ACBD6: variants seen among roughly 807,000 people sequenced by gnomAD.
ACBD6 encodes the protein acyl-CoA-binding domain-containing protein 6.
ACBD6 carries 28 observed loss-of-function variants against 37.2 expected under a neutral mutation model. The observed-to-expected ratio is 0.75, with a 90% CI of 0.56 to 1.03. The LOEUF (loss-of-function observed/expected upper bound fraction) is 1.03. ACBD6 is among the 50% of genes least tolerant of loss of function. The pLI is 0.00. For synonymous variants in ACBD6, 113 were observed against 126.8 expected (o/e 0.89, Z 0.73); for missense variants, 340 against 337.4 (o/e 1.01, Z -0.06).
At chr1:180,501,504 G>GA in intron 1 of ACBD6, among the ~76,000 whole-genome samples, 1 of 152,228 alleles carries the variant, frequency 6.6e-6, no homozygotes, top group Middle Eastern at 3.4e-3. Context: ...ACTTAGTAGA[G>GA]ACGGGGTTTC....
chr1:180,404,352 G>T (rs1647515268), intron 5 of ACBD6, among the ~76,000 whole-genome samples: 1 of 152,026 alleles, frequency 6.6e-6, no homozygotes, highest in African/African-American at 2.4e-5. Context: ...CACGAGACGG[G>T]ATCTCACTAT....
At chr1:180,367,125 C>A (rs1300409020) in intron 6 of ACBD6, among the ~76,000 whole-genome samples, 1 of 152,182 alleles carries the variant, frequency 6.6e-6, no homozygotes, top group African/African-American at 2.4e-5. Context: ...TTAAAATGTT[C>A]GATCTGTAAA....
intron 7 of ACBD6, among the ~76,000 whole-genome samples, chr1:180,297,340 C>T (rs1362949040): frequency 2.0e-5 from 3 of 152,142 alleles, no homozygotes; most frequent in African/African-American, 7.2e-5. Flanking sequence ...TAATCCATAA[C>T]CATATAAACT....
chr1:180,330,680 G>A (rs564076286), intron 6 of ACBD6, among the ~76,000 whole-genome samples: 1 of 152,280 alleles, frequency 6.6e-6, no homozygotes, highest in South Asian at 2.1e-4. Context: ...TAAGGCAACT[G>A]ATCAAATGTA....
intron 3 of ACBD6, among the ~76,000 whole-genome samples, chr1:180,487,023 A>G (rs1259165422): frequency 2.8e-5 from 4 of 141,646 alleles, no homozygotes; most frequent in African/African-American, 1.2e-4. Flanking sequence ...AAGAAAGGGA[A>G]AAAAAAATGG....
At chr1:180,340,375 A>T (rs972953290) in intron 6 of ACBD6, among the ~76,000 whole-genome samples, 1 of 152,090 alleles carries the variant, frequency 6.6e-6, no homozygotes, top group African/African-American at 2.4e-5. Flanking sequence ...AGAAATAGTC[A>T]CTGGATTTAG....
chr1:180,276,778 C>A (rs1649055479), intron 9 of ACBD6: 1 of 150,694 alleles, frequency 6.6e-6, no homozygotes, highest in African/African-American at 2.4e-5. Context: ...CATGGGATTT[C>A]AGAGGCCCTT....
At chr1:180,345,920 A>C (rs2101886073) in intron 6 of ACBD6, among the ~76,000 whole-genome samples, 1 of 152,336 alleles carries the variant, frequency 6.6e-6, no homozygotes, top group East Asian at 1.9e-4. Context: ...TAAAACCTTG[A>C]AATTTTAAAG....
At chr1:180,284,098 T>G (rs1432300373), downstream of ACBD6, among the ~76,000 whole-genome samples, 3 of 152,172 alleles carry the variant, frequency 2.0e-5, no homozygotes, top group Non-Finnish European at 4.4e-5. Context: ...TTAAATAGCT[T>G]TACCTGTTCA....
At chr1:180,311,414 T>C (rs1224658169) in intron 7 of ACBD6, among the ~76,000 whole-genome samples, 1 of 152,164 alleles carries the variant, frequency 6.6e-6, no homozygotes, top group African/African-American at 2.4e-5. Context: ...TCTCAGACTA[T>C]TCATAGTTCT....
intron 4 of ACBD6, among the ~76,000 whole-genome samples, chr1:180,420,638 C>T (rs1460870800): frequency 1.3e-5 from 2 of 152,118 alleles, no homozygotes; most frequent in African/African-American, 4.8e-5. Flanking sequence ...ATTGAAAGAA[C>T]TTTAAAAGGC....
At chr1:180,428,669 C>T (rs1269546087) in intron 4 of ACBD6, among the ~76,000 whole-genome samples, 1 of 152,110 alleles carries the variant, frequency 6.6e-6, no homozygotes, top group African/African-American at 2.4e-5. Context: ...GTATTCAGTA[C>T]ATCATTTTGA....
chr1:180,332,808 C>T (rs1011814560), intron 6 of ACBD6, among the ~76,000 whole-genome samples: 3 of 152,132 alleles, frequency 2.0e-5, no homozygotes, highest in African/African-American at 4.8e-5. Context: ...TTGTCTTCCA[C>T]GAAACCTGTC....
chr1:180,288,658 C>A, intron 7 of ACBD6, 141 bp from the exon 8 acceptor site: 1 of 1,050,334 alleles, frequency 9.5e-7, no homozygotes. Flanking sequence ...GATGGTCAGG[C>A]CTGGTAATGA....
chr1:180,313,399 G>A (rs369937996), intron 7 of ACBD6, among the ~76,000 whole-genome samples: 1 of 152,156 alleles, frequency 6.6e-6, no homozygotes, highest in African/African-American at 2.4e-5. Context: ...ATAGCACAGC[G>A]AGGTTTCTCC....
chr1:180,320,229 T>C (rs554182123), intron 6 of ACBD6, among the ~76,000 whole-genome samples: 2 of 152,388 alleles, frequency 1.3e-5, no homozygotes, highest in African/African-American at 2.4e-5. Context: ...TCATTGTATT[T>C]TGATTTGCAT....
intron 2 of ACBD6, among the ~76,000 whole-genome samples, chr1:180,495,160 A>T (rs1190326815): frequency 6.6e-6 from 1 of 152,212 alleles, no homozygotes; most frequent in Non-Finnish European, 1.5e-5. Context: ...GTGGTGATCC[A>T]TTAGGGGTTG....
At chr1:180,388,285 T>G (rs1397678526) in intron 6 of ACBD6, among the ~76,000 whole-genome samples, 1 of 152,216 alleles carries the variant, frequency 6.6e-6, no homozygotes, top group Non-Finnish European at 1.5e-5. Flanking sequence ...CCTTTAGTCT[T>G]CTTATGTTTA....
chr1:180,283,700 C>A (rs1223595992), downstream of ACBD6, among the ~76,000 whole-genome samples: 4 of 151,934 alleles, frequency 2.6e-5, no homozygotes, highest in Non-Finnish European at 5.9e-5. Flanking sequence ...AAAAGTGATA[C>A]AACAAAACAC....
Sources: gnomAD v4.1 joint callset for allele counts (sites outside exome capture counted in the v4.1 genomes callset) on GRCh38, gnomAD v4.1.1 for gene constraint, MANE v1.5 for transcripts, NCBI Gene and HGNC (gene_info 2026-07-23, HGNC 2026-07-21) for gene names.